CUL1: variants seen among roughly 807,000 people sequenced by gnomAD.
CUL1 encodes cullin-1.
In CUL1, 24 loss-of-function variants were observed where a neutral mutation model predicts 118.0. The ratio of observed to expected loss-of-function variants is 0.20; its 90% CI spans 0.15 to 0.29. The LOEUF (loss-of-function observed/expected upper bound fraction) is 0.29, where lower values mean the gene tolerates loss of function less well. Among genes scored for constraint, CUL1 ranks in the 10% least tolerant of loss-of-function variants. The probability of loss-of-function intolerance (pLI) is 1.00; values close to 1 mark genes in which losing one functional copy is unlikely to be tolerated. For missense variants in CUL1, 361 were observed against 933.8 expected (o/e 0.39, Z 7.99); for synonymous variants, 332 against 340.4 (o/e 0.98, Z 0.27).
chr7:148,699,637 C>A (rs1030871019), intron 1 of CUL1, among the ~76,000 whole-genome samples: 4 of 152,120 alleles, frequency 2.6e-5, no homozygotes, highest in Non-Finnish European at 5.9e-5. Flanking sequence ...TGCATTGTTG[C>A]GAACGTGCAG....
intron 9 of CUL1, among the ~76,000 whole-genome samples, chr7:148,774,235 G>A (rs1441327320): frequency 6.6e-6 from 1 of 152,120 alleles, no homozygotes; most frequent in Admixed American, 6.5e-5. Context: ...GCGCCGTGGG[G>A]TACGATCGGC....
chr7:148,704,759 G>T (rs1209520984), intron 1 of CUL1, among the ~76,000 whole-genome samples: 1 of 152,130 alleles, frequency 6.6e-6, no homozygotes, highest in East Asian at 1.9e-4. Context: ...CAGAATGTTA[G>T]CATTGATTGT....
At chr7:148,798,407 C>T (rs549584662) in intron 19 of CUL1, among the ~76,000 whole-genome samples, 165 bp from the exon 20 acceptor site, 2 of 152,140 alleles carry the variant, frequency 1.3e-5, no homozygotes, top group Non-Finnish European at 2.9e-5. Context: ...TCGGACTCTA[C>T]CCAGTGCTGG....
Position 148,800,381 on chromosome 7 carries a change from G to A in CUL1, c.2251-121G>A. 2.7e-6 allele frequency: 2 copies of A among 742,972 alleles called. No individual in the cohort carries two copies. Among genetic ancestry groups the A allele is most frequent in the African/African-American group, 1.7e-5 (1 of 57,200 alleles). The allele number at this position is 742,972 out of a possible 1,614,324, so 46.0% of individuals were successfully genotyped here. A position where few individuals can be genotyped will look rare whatever the true frequency, so the allele number is the denominator to read the frequency against. ...CTAACAGATCTGGGGCGGGGACACT[G>A]CTCCCCACTGAGCTCCGAATCAGGG... On this transcript the variant is annotated intron_variant, in intron 21 of 21. Transcript: ENST00000325222. This position sits in a 1 kb window ranked among gnomAD's most constrained non-coding sequence, Gnocchi z 4.6.
chr7:148,753,870 G>T, intron 2 of CUL1, 106 bp from the exon 3 acceptor site: 1 of 809,612 alleles, frequency 1.2e-6, no homozygotes, highest in African/African-American at 1.8e-5. Context: ...ACAGGTTTTG[G>T]TTGATATATT....
intron 9 of CUL1, among the ~76,000 whole-genome samples, chr7:148,776,132 C>T (rs1490165445): frequency 6.6e-6 from 1 of 151,180 alleles, no homozygotes; most frequent in Non-Finnish European, 1.5e-5. Context: ...GAAACAACTA[C>T]ACCTCTACCG....
At chr7:148,708,031 C>G (rs1348097615) in intron 1 of CUL1, among the ~76,000 whole-genome samples, 1 of 152,156 alleles carries the variant, frequency 6.6e-6, no homozygotes, top group Non-Finnish European at 1.5e-5. Context: ...GGGTGACCTC[C>G]TGAGGTTAGG....
At chr7:148,776,577 A>C (rs954009969) in intron 9 of CUL1, among the ~76,000 whole-genome samples, 1 of 151,962 alleles carries the variant, frequency 6.6e-6, no homozygotes, top group Non-Finnish European at 1.5e-5. Flanking sequence ...TCAGCCTCCC[A>C]AAGTGCTGGG....
intron 1 of CUL1, among the ~76,000 whole-genome samples, chr7:148,721,223 G>A (rs1209892300): frequency 6.6e-6 from 1 of 152,186 alleles, no homozygotes; most frequent in Non-Finnish European, 1.5e-5. Flanking sequence ...TACTACTGCA[G>A]TGAACACCCG....
In CUL1 at chr7:148,798,745, C is replaced by T. The variant is rs184509962; in HGVS notation, c.2136+68C>T. 9.7e-5 allele frequency: 126 copies of T among 1,300,190 alleles called. 1 individual carries two copies. The Middle Eastern group carries it at 1.3e-3, about 13-fold the overall frequency. 80.5% of individuals were successfully genotyped at this position (1,300,190 alleles called of 1,614,324 possible). A position where few individuals can be genotyped will look rare whatever the true frequency, so the allele number is the denominator to read the frequency against. ...GCAGGGATGGCTCGCAAGGACGGGCCGTGGGGGGTAGGCGGGGGTGACAAA... is the reference window on the plus strand; with the variant it reads ...GCAGGGATGGCTCGCAAGGACGGGCTGTGGGGGGTAGGCGGGGGTGACAAA... On this transcript the variant is annotated intron_variant, in intron 20 of 21. Coordinates refer to ENST00000325222, the MANE Select transcript of CUL1 (RefSeq NM_003592.3).
chr7:148,791,385 C>G lies in CUL1; in HGVS notation c.1806+944C>G, dbSNP rs1039613901. 3.3e-5 allele frequency among the ~76,000 whole-genome samples: 5 copies of G among 152,206 alleles called. No individual in the cohort carries two copies. The East Asian group carries it at 5.8e-4, about 18-fold the overall frequency. On this transcript the variant is annotated intron_variant, in intron 16 of 21. Coordinates refer to ENST00000325222, the MANE Select transcript of CUL1 (RefSeq NM_003592.3). ...TAAACTTTTCGTAAATCTACTGTGA[C>G]TTAAAATTGTTAAAATGCATAGTAT...
At chr7:148,784,826 A>G (rs1430251373) in intron 11 of CUL1, among the ~76,000 whole-genome samples, 1 of 152,232 alleles carries the variant, frequency 6.6e-6, no homozygotes, top group Non-Finnish European at 1.5e-5. Context: ...GATACAAAAA[A>G]GACCGAGAAA....
At position 148,758,634 on chromosome 7, in the gene CUL1, A is replaced by G. The variant is rs371253348; in HGVS notation, c.484-670A>G. Among the ~76,000 whole-genome samples the G allele has an allele frequency of 9.8e-5, 15 of 152,304 alleles. 1 individual carries two copies. The highest frequency in any genetic ancestry group is 3.4e-4 in the African/African-American group (14 of 41,576). On this transcript the variant is annotated intron_variant, in intron 4 of 21. Transcript: ENST00000325222. ...CATGTCTCAAGAAAAAAAGAAAAGC[A>G]TAATGTATCCCAGATGCATGACTAG... is the stretch of plus-strand genomic sequence containing the variant.
chr7:148,732,807 C>T (rs1410899702), intron 2 of CUL1, among the ~76,000 whole-genome samples: 1 of 152,064 alleles, frequency 6.6e-6, no homozygotes, highest in Non-Finnish European at 1.5e-5. Flanking sequence ...GTACCTGCAA[C>T]TTTAATTTTT....
At chr7:148,742,696 G>T (rs1416062594) in intron 2 of CUL1, among the ~76,000 whole-genome samples, 5 of 145,446 alleles carry the variant, frequency 3.4e-5, no homozygotes, top group Non-Finnish European at 7.5e-5. Context: ...CTGCCTCCCG[G>T]GTTCAAGCGA....
chr7:148,742,702 A>C lies in CUL1; in HGVS notation c.141-11274A>C, dbSNP rs1290846773. Among the ~76,000 whole-genome samples the C allele has an allele frequency of 2.7e-5, 4 of 146,434 alleles. No individual in the cohort carries two copies. The East Asian group carries it at 8.5e-4, about 31-fold the overall frequency. Reference sequence around the variant, plus strand: ...CTGCAGTCTCTGCCTCCCGGGTTCAAGCGATTCTCCTGCCTCAGCCTCCTG... The same window carrying C: ...CTGCAGTCTCTGCCTCCCGGGTTCACGCGATTCTCCTGCCTCAGCCTCCTG... On this transcript the variant is annotated intron_variant, in intron 2 of 21. Transcript: ENST00000325222.
intron 1 of CUL1, among the ~76,000 whole-genome samples, chr7:148,719,787 G>T (rs966749232): frequency 6.6e-6 from 1 of 152,228 alleles, no homozygotes; most frequent in African/African-American, 2.4e-5. Context: ...CAGTTTGGAC[G>T]TGTCATTACG....
chr7:148,725,219 G>GCGCGCACACGCACACACACACACACACA, intron 1 of CUL1, among the ~76,000 whole-genome samples: 2 of 140,058 alleles, frequency 1.4e-5, no homozygotes, highest in African/African-American at 5.7e-5. Flanking sequence ...ACACGCGCGC[G>GCGCGCACACGCACACACACACACACACA]CTCACACACA....
chr7:148,772,427 A>AC (rs1269477609), intron 9 of CUL1, among the ~76,000 whole-genome samples: 19 of 150,886 alleles, frequency 1.3e-4, no homozygotes, highest in Admixed American at 9.9e-4. Context: ...AAAAAAAACA[A>AC]AAAAAAAAAC....
Sources: gnomAD v4.1 joint callset for allele counts (sites outside exome capture counted in the v4.1 genomes callset) on GRCh38, gnomAD v4.1.1 for gene constraint, Gnocchi (gnomAD v3.1) non-coding constraint, MANE v1.5 for transcripts, NCBI Gene and HGNC (gene_info 2026-07-23, HGNC 2026-07-21) for gene names.